Variants in DDX18 observed in about 807,000 individuals in gnomAD.
DDX18 encodes the protein DEAD-box helicase 18, also known as ATP-dependent RNA helicase DDX18.
Under a neutral mutation model 73.5 loss-of-function variants are expected in DDX18, and 23 were observed. That is an observed-to-expected ratio of 0.31 (90% CI 0.23 to 0.44). DDX18 has a LOEUF of 0.44. Ranked by LOEUF, DDX18 falls within the 20% of genes least tolerant of loss-of-function variation. The pLI is 1.00. For synonymous variants in DDX18, 268 were observed against 282.7 expected (o/e 0.95, Z 0.52); for missense variants, 753 against 792.9 (o/e 0.95, Z 0.60).
At chr2:117,820,674 C>A (rs1250640568) in intron 3 of DDX18, among the ~76,000 whole-genome samples, 2 of 152,246 alleles carry the variant, frequency 1.3e-5, no homozygotes, top group Non-Finnish European at 2.9e-5. Flanking sequence ...TTCTGCTGAA[C>A]CACCACTGTA....
At chr2:117,816,427 C>A (rs1194636633) in intron 1 of DDX18, among the ~76,000 whole-genome samples, 1 of 150,524 alleles carries the variant, frequency 6.6e-6, no homozygotes, top group Middle Eastern at 3.2e-3. Context: ...ATTTTTTTTT[C>A]TTTTTAAGCT....
chr2:117,819,545 T>C (rs1226394559), intron 2 of DDX18, 104 bp from the exon 3 acceptor site: 9 of 1,136,050 alleles, frequency 7.9e-6, no homozygotes, highest in Non-Finnish European at 1.1e-5. Flanking sequence ...TACTTAGCTT[T>C]TGAAAATATA....
chr2:117,824,808 T>C (rs777942183), intron 8 of DDX18, 100 bp downstream of exon 8: 413 of 1,473,428 alleles, frequency 2.8e-4, no homozygotes, highest in Non-Finnish European at 3.6e-4. Context: ...TAATGAACTT[T>C]TAAAATGCTG....
At chr2:117,826,814 C>G (rs147158795) in intron 11 of DDX18, 201 of 166,382 alleles carry the variant, frequency 1.2e-3, no homozygotes, top group Non-Finnish European at 2.0e-3. Context: ...GGCCTACAGT[C>G]TCTTCCTTGC....
chr2:117,819,802 AG>A lies in DDX18; in HGVS notation c.514+12del. ...CCCCTGGGACTGACAGGTAACGTCC[AG>A]GAAGTTTTCTAGAGGTAACTTCTTT... On this transcript the variant is annotated intron_variant, in intron 3 of 13. Transcript: ENST00000263239. The A allele has an allele frequency of 6.4e-7, 1 of 1,557,216 alleles. No homozygotes were observed. Among genetic ancestry groups the A allele is most frequent in the Non-Finnish European group, 8.6e-7 (1 of 1,157,166 alleles).
chr2:117,817,348 T>G, intron 1 of DDX18, 96 bp from the exon 2 acceptor site: 1 of 1,151,250 alleles, frequency 8.7e-7, no homozygotes, highest in Non-Finnish European at 1.2e-6. Context: ...AAATAATTTG[T>G]GTCAGGAAGC....
In DDX18 at chr2:117,817,453, A is replaced by T; in HGVS notation, c.95A>T (p.Asn32Ile). ...CTGTTTATTTAAACAGGGGCCTCAA[A>T]TCTGACCCTATCGGAAACTCAAAAT... ...QRNLKFQGASNLTLSETQNGD... is the reference protein window; with the variant it reads ...QRNLKFQGASILTLSETQNGD... The change falls in exon 2 of 14, where the codon AAT becomes ATT. Residue 32 changes from asparagine (N) to isoleucine (I), a missense_variant. Around this residue, in one of 3 missense-constraint regions of DDX18, gnomAD observed 345 missense variants for 352.0 expected, o/e 0.98. Coordinates refer to ENST00000263239, the MANE Select transcript of DDX18 (RefSeq NM_006773.4). 6.2e-7 allele frequency: 1 copy of T among 1,607,752 alleles called. No individual in the cohort carries two copies. The highest frequency in any genetic ancestry group is 8.5e-7 in the Non-Finnish European group (1 of 1,178,666).
At chr2:117,830,484 G>T in intron 13 of DDX18, 98 bp from the exon 14 acceptor site, 1 of 1,362,840 alleles carries the variant, frequency 7.3e-7, no homozygotes, top group South Asian at 1.5e-5. Flanking sequence ...TGGGGTTGTG[G>T]AGGAACAGTA....
In DDX18 at chr2:117,815,387, A is replaced by C. The variant is rs141301663; in HGVS notation, c.85+525A>C. Among the ~76,000 whole-genome samples the C allele has an allele frequency of 5.8e-3, 882 of 152,278 alleles. 9 individuals are homozygous for C. Among genetic ancestry groups the C allele is most frequent in the African/African-American group, 0.019 (799 of 41,552 alleles). ...GTAGCACTTTCTCACCAGAGCTTCT[A>C]CGTATTTGTGTCCCGCACAGTGACC... On this transcript the variant is annotated intron_variant, in intron 1 of 13. Transcript: ENST00000263239.
Position 117,817,639 on chromosome 2 carries a change from C to G in DDX18, c.281C>G (p.Thr94Ser), listed in dbSNP as rs1052637. 0.38 allele frequency: 606,252 copies of G among 1,613,352 alleles called. 117,529 individuals are homozygous for G. Among genetic ancestry groups the G allele is most frequent in the African/African-American group, 0.58 (43,583 of 74,910 alleles). The change falls in exon 2 of 14, where the codon ACC (threonine) becomes AGC (serine). Residue 94 changes from threonine (T) to serine (S), a missense_variant. Physicochemically the swap from Thr to Ser is moderately conservative, Grantham distance 58. Transcript: ENST00000263239. ...TCTCCCCAGAAATCCACTGTATTAACCAATGGAGAAGCAGCAATGCAGTCT... is the reference window on the plus strand; with the variant it reads ...TCTCCCCAGAAATCCACTGTATTAAGCAATGGAGAAGCAGCAATGCAGTCT... Reference protein sequence around the residue: ...TKSPQKSTVLTNGEAAMQSSN... With the variant: ...TKSPQKSTVLSNGEAAMQSSN...
chr2:117,825,183 T>G, intron 9 of DDX18, 82 bp downstream of exon 9: 1 of 1,494,370 alleles, frequency 6.7e-7, no homozygotes, highest in Non-Finnish European at 9.0e-7. Flanking sequence ...TATTGCCCTC[T>G]CCTGGAAACA....
chr2:117,827,597 C>T (rs1426449936), intron 11 of DDX18: 1 of 150,282 alleles, frequency 6.7e-6, no homozygotes, highest in Non-Finnish European at 1.5e-5. Context: ...GTTTGGTTTT[C>T]TGTCCTTGCA....
chr2:117,817,319 A>G (rs1679775981), intron 1 of DDX18, 125 bp from the exon 2 acceptor site: 4 of 945,170 alleles, frequency 4.2e-6, no homozygotes, highest in South Asian at 4.0e-5. Context: ...TTTTAATTAC[A>G]TGAAAGAGAA....
chr2:117,830,110 T>C (rs1279329612), intron 13 of DDX18, among the ~76,000 whole-genome samples: 1 of 152,166 alleles, frequency 6.6e-6, no homozygotes, highest in African/African-American at 2.4e-5. Flanking sequence ...AAATTTTGGG[T>C]CACCATCCCC....
chr2:117,815,953 T>C (rs894287528), intron 1 of DDX18, among the ~76,000 whole-genome samples: 3 of 152,224 alleles, frequency 2.0e-5, no homozygotes, highest in African/African-American at 4.8e-5. Context: ...GCTCGTAAGC[T>C]GTCATCCTGT....
chr2:117,818,733 G>A (rs543296497), intron 2 of DDX18, among the ~76,000 whole-genome samples: 3 of 152,238 alleles, frequency 2.0e-5, no homozygotes, highest in Admixed American at 6.5e-5. Context: ...TGTTGTCCAA[G>A]CTGGTCTTGA....
rs1214823204 is a variant in DDX18 at position 117,814,845 on chromosome 2, G to T, written c.68G>T (p.Arg23Leu). 2.5e-6 allele frequency: 4 copies of T among 1,614,050 alleles called. No homozygotes were observed. Among genetic ancestry groups the T allele is most frequent in the Non-Finnish European group, 3.4e-6 (4 of 1,180,040 alleles). The change falls in exon 1 of 14, where the codon CGG (arginine) becomes CTG (leucine). Residue 23 changes from arginine (R) to leucine (L), a missense_variant. Coordinates refer to ENST00000263239, the MANE Select transcript of DDX18 (RefSeq NM_006773.4). ...IEKRNLKLRQ[R>L]NLKFQGASNL... is the part of the protein sequence containing the mutation. ...AAGCGGAACCTCAAATTGCGGCAGC[G>T]GAACCTAAAGTTTCAGGGTGAGATG...
chr2:117,829,936 A>G (rs1399881299), intron 13 of DDX18, among the ~76,000 whole-genome samples: 1 of 152,236 alleles, frequency 6.6e-6, no homozygotes, highest in Admixed American at 6.5e-5. Flanking sequence ...AGTTCAGCAA[A>G]AGAAAATAAA....
chr2:117,817,784 G>T, intron 2 of DDX18, 56 bp downstream of exon 2: 2 of 1,520,300 alleles, frequency 1.3e-6, no homozygotes, highest in African/African-American at 1.4e-5. Context: ...GACGGTTATT[G>T]TTCCTCTTTC....
Sources: gnomAD v4.1 joint callset for allele counts (sites outside exome capture counted in the v4.1 genomes callset) on GRCh38, gnomAD v4.1.1 for gene constraint, gnomAD v4.1.1 regional missense constraint, MANE v1.5 for transcripts, NCBI Gene and HGNC (gene_info 2026-07-23, HGNC 2026-07-21) for gene names.